ANKRD45: variants seen among roughly 807,000 people sequenced by gnomAD.
ANKRD45 encodes ankyrin repeat domain-containing protein 45.
In ANKRD45, 21 loss-of-function variants were observed where a neutral mutation model predicts 28.1. The ratio of observed to expected loss-of-function variants is 0.75; its 90% CI spans 0.53 to 1.08. ANKRD45 has a LOEUF of 1.08. Among genes scored for constraint, ANKRD45 ranks in the 50% least tolerant of loss-of-function variants. ANKRD45 has a pLI of 0.00. For synonymous variants in ANKRD45, 86 were observed against 103.9 expected, an observed-to-expected ratio of 0.83 and a Z score of 1.05; for missense variants, 261 against 308.7, an observed-to-expected ratio of 0.85 and a Z score of 1.16.
chr1:173,671,339 G>A (rs1470498163), upstream of ANKRD45, among the ~76,000 whole-genome samples: 1 of 152,148 alleles, frequency 6.6e-6, no homozygotes, highest in Non-Finnish European at 1.5e-5. Context: ...TTACAGGTGA[G>A]TGGGCTCAAG....
At chr1:173,684,396 A>G in the ANKRD45 span, among the ~76,000 whole-genome samples, 1 of 152,092 alleles carries the variant, frequency 6.6e-6, no homozygotes, top group East Asian at 1.9e-4. Context: ...CAAAAGAAGA[A>G]GCTTCTCTGG....
chr1:173,686,583 A>C, the ANKRD45 span, among the ~76,000 whole-genome samples: 1 of 152,180 alleles, frequency 6.6e-6, no homozygotes, highest in East Asian at 1.9e-4. Context: ...ACCTGTGCTA[A>C]AAGACTTAGT....
At chr1:173,660,239 A>T (rs1361075349) in intron 1 of ANKRD45, among the ~76,000 whole-genome samples, 1 of 152,192 alleles carries the variant, frequency 6.6e-6, no homozygotes, top group Non-Finnish European at 1.5e-5. Context: ...AGTCTGTCAG[A>T]ACACAGTATT....
At chr1:173,700,074 G>T in the ANKRD45 span, among the ~76,000 whole-genome samples, 3 of 152,176 alleles carry the variant, frequency 2.0e-5, no homozygotes, top group East Asian at 5.8e-4. Flanking sequence ...ATTCACAATT[G>T]CTACAAAGAG....
the ANKRD45 span, among the ~76,000 whole-genome samples, chr1:173,695,512 G>A: frequency 3.9e-5 from 6 of 152,126 alleles, no homozygotes; most frequent in African/African-American, 7.2e-5. Flanking sequence ...CCGCATCCAC[G>A]TTGCTGCAAA....
Position 173,646,865 on chromosome 1 carries a change from A to C in ANKRD45, c.477T>G (p.Val159=), listed in dbSNP as rs377204442. 2 of 1,614,134 alleles carry C rather than the reference A, an allele frequency of 1.2e-6. No individual in the cohort carries two copies. Among genetic ancestry groups the C allele is most frequent in the Non-Finnish European group, 1.7e-6 (2 of 1,180,000 alleles). Residue 159 remains valine (V), a synonymous_variant, in exon 3 of 6, where the codon GTT becomes GTG. Transcript: ENST00000333279. ...VAARYSQTEC[V]EFLDWADARL... is the part of the protein sequence containing the mutation. The stretch of plus-strand genomic sequence containing the variant: ...CCTTACCTGCCCAGTCCAGGAATTC[A>C]ACACACTCAGTCTGAGAATATCTAG...
chr1:173,615,383 CAAAAA>C (rs60479508), intron 5 of ANKRD45, among the ~76,000 whole-genome samples: 1 of 87,656 alleles, frequency 1.1e-5, no homozygotes, highest in Non-Finnish European at 2.3e-5. Flanking sequence ...GACTCCGTCT[CAAAAA>C]AAAAAAAAAA....
chr1:173,669,328 C>T (rs1174526131), intron 1 of ANKRD45: 1 of 415,958 alleles, frequency 2.4e-6, no homozygotes, highest in Non-Finnish European at 4.7e-6. Flanking sequence ...AGGAGGCAGG[C>T]GACGCAGCCT....
At position 173,610,274 on chromosome 1, in the gene ANKRD45, A is replaced by G. The variant is rs1667086483; in HGVS notation, c.731-59T>C. 4 of 1,502,792 alleles carry G rather than the reference A, an allele frequency of 2.7e-6. No homozygotes were observed. In the South Asian group the frequency reaches 4.5e-5, roughly 17 times the overall value. 93.1% of individuals were successfully genotyped at this position (1,502,792 alleles called of 1,614,324 possible). A position where few individuals can be genotyped will look rare whatever the true frequency, so the allele number is the denominator to read the frequency against. The stretch of plus-strand genomic sequence containing the variant: ...TTAGTTTGCAATATGAAACAAAATG[A>G]AGCCAGTTTTTAAGACAATAAGAAT... On this transcript the variant is annotated intron_variant, in intron 5 of 5. Transcript: ENST00000333279.
intron 1 of ANKRD45, among the ~76,000 whole-genome samples, chr1:173,665,857 A>G (rs1316901103): frequency 4.6e-5 from 7 of 150,798 alleles, no homozygotes; most frequent in Admixed American, 4.6e-4. Context: ...AAAAATACAG[A>G]AAAAAAAATA....
intron 1 of ANKRD45, among the ~76,000 whole-genome samples, chr1:173,661,025 A>T (rs912209430): frequency 6.6e-6 from 1 of 152,196 alleles, no homozygotes; most frequent in African/African-American, 2.4e-5. Context: ...AATATATCAC[A>T]TGAAAAATGT....
At chr1:173,699,385 A>G in the ANKRD45 span, among the ~76,000 whole-genome samples, 7 of 152,184 alleles carry the variant, frequency 4.6e-5, no homozygotes, top group Non-Finnish European at 1.0e-4. Flanking sequence ...AGAATTTTAG[A>G]CCAATATCCC....
chr1:173,697,161 C>G, the ANKRD45 span, among the ~76,000 whole-genome samples: 1 of 152,134 alleles, frequency 6.6e-6, no homozygotes, highest in African/African-American at 2.4e-5. Context: ...AAATATGGGA[C>G]TATGTGAAAA....
chr1:173,686,553 C>T, the ANKRD45 span, among the ~76,000 whole-genome samples: 1 of 151,946 alleles, frequency 6.6e-6, no homozygotes, highest in African/African-American at 2.4e-5. Flanking sequence ...TGCTGGTTTA[C>T]CAAAAAATCT....
At chr1:173,622,336 C>A (rs911020849) in intron 5 of ANKRD45, among the ~76,000 whole-genome samples, 1 of 152,052 alleles carries the variant, frequency 6.6e-6, no homozygotes, top group Admixed American at 6.5e-5. Context: ...AAAAAAAGAG[C>A]CTGAATAGCC....
intron 3 of ANKRD45, among the ~76,000 whole-genome samples, chr1:173,634,327 T>C (rs1338187503): frequency 6.6e-6 from 1 of 151,932 alleles, no homozygotes. Context: ...TAGATTTAGA[T>C]AGATACAATT....
the ANKRD45 span, among the ~76,000 whole-genome samples, chr1:173,694,137 G>C: frequency 1.3e-5 from 2 of 152,064 alleles, no homozygotes; most frequent in Middle Eastern, 3.2e-3. Flanking sequence ...GCCAAGTGTA[G>C]ACTAGGTGCT....
intron 5 of ANKRD45, among the ~76,000 whole-genome samples, chr1:173,618,788 C>T (rs1419478048): frequency 3.3e-5 from 5 of 152,130 alleles, no homozygotes; most frequent in African/African-American, 1.2e-4. Flanking sequence ...ATCCAGAGAA[C>T]CTCAGTAAGA....
chr1:173,614,624 C>T (rs925178602), intron 5 of ANKRD45, among the ~76,000 whole-genome samples: 1 of 152,064 alleles, frequency 6.6e-6, no homozygotes, highest in African/African-American at 2.4e-5. Flanking sequence ...GGTACTTTTG[C>T]AGTCATTTAC....
Sources: gnomAD v4.1 joint callset for allele counts (sites outside exome capture counted in the v4.1 genomes callset) on GRCh38, gnomAD v4.1.1 for gene constraint, MANE v1.5 for transcripts, NCBI Gene and HGNC (gene_info 2026-07-23, HGNC 2026-07-21) for gene names.